PAPSS1: variants seen among roughly 807,000 people sequenced by gnomAD.
The protein encoded by PAPSS1 is bifunctional 3'-phosphoadenosine 5'-phosphosulfate synthase 1.
A neutral mutation model predicts 72.0 loss-of-function variants in PAPSS1; 50 were observed. The ratio of observed to expected loss-of-function variants is 0.69; its 90% CI spans 0.55 to 0.88. The LOEUF is 0.88. Among genes scored for constraint, PAPSS1 ranks in the 40% least tolerant of loss-of-function variants. PAPSS1 has a pLI of 0.00. For synonymous variants in PAPSS1, 261 were observed against 263.6 expected (o/e 0.99, Z 0.09); for missense variants, 657 against 782.2 (o/e 0.84, Z 1.91).
chr4:107,624,500 T>C (rs951195836), intron 11 of PAPSS1, among the ~76,000 whole-genome samples: 1 of 152,118 alleles, frequency 6.6e-6, no homozygotes, highest in African/African-American at 2.4e-5. Flanking sequence ...AAAGACTCCA[T>C]AAGAAATTAA....
rs544424834 is a variant in PAPSS1 at position 107,622,223 on chromosome 4, G to C, written c.1737-7836C>G. ...TAAAAAAAATGTCTTCAACGTAGTC[G>C]ATTCCAGCTCACTAGAATTCCACAC... On this transcript the variant is annotated intron_variant, in intron 11 of 11. Coordinates refer to ENST00000265174, the MANE Select transcript of PAPSS1 (RefSeq NM_005443.5). Among the ~76,000 whole-genome samples, 142 of 152,234 alleles carry C rather than the reference G, an allele frequency of 9.3e-4. 1 individual carries two copies. The highest frequency in any genetic ancestry group is 1.8e-3 in the Non-Finnish European group (125 of 68,022).
intron 11 of PAPSS1, among the ~76,000 whole-genome samples, chr4:107,630,984 G>A (rs1221035833): frequency 6.6e-6 from 1 of 151,620 alleles, no homozygotes; most frequent in Non-Finnish European, 1.5e-5. Context: ...CTTTCTGATG[G>A]CTCAATGTAC....
chr4:107,683,416 C>G (rs1320256721), intron 4 of PAPSS1, among the ~76,000 whole-genome samples: 1 of 152,028 alleles, frequency 6.6e-6, no homozygotes, highest in Non-Finnish European at 1.5e-5. Context: ...CTCTGATTCT[C>G]AAATGCGGTG....
At chr4:107,718,644 A>G (rs1470645747) in intron 1 of PAPSS1, among the ~76,000 whole-genome samples, 1 of 152,252 alleles carries the variant, frequency 6.6e-6, no homozygotes, top group Non-Finnish European at 1.5e-5. Context: ...AGTAAGTCCC[A>G]CATTTTTCAC....
intron 10 of PAPSS1, among the ~76,000 whole-genome samples, chr4:107,644,172 T>C (rs952251141): frequency 5.3e-5 from 8 of 152,164 alleles, no homozygotes; most frequent in African/African-American, 1.9e-4. Flanking sequence ...AGCTAGCATA[T>C]TGACACGGTT....
chr4:107,614,168 A>G lies in PAPSS1; in HGVS notation c.*81T>C. Reference sequence around the variant, plus strand: ...TAGGAAGCATGTCCAGACAGACACCACAAAGAAATGCCAACAGAGACTATG... The same window carrying G: ...TAGGAAGCATGTCCAGACAGACACCGCAAAGAAATGCCAACAGAGACTATG... On this transcript the variant is annotated 3_prime_UTR_variant, in exon 12 of 12. Transcript: ENST00000265174. 1 of 1,432,468 alleles carries G rather than the reference A, an allele frequency of 7.0e-7. No homozygotes were observed. The allele number at this position is 1,432,468 out of a possible 1,614,324, so 88.7% of individuals were successfully genotyped here.
chr4:107,670,573 C>T (rs146766324), intron 5 of PAPSS1, among the ~76,000 whole-genome samples: 413 of 152,294 alleles, frequency 2.7e-3, no homozygotes, highest in Middle Eastern at 0.014. Flanking sequence ...GGGTCTCACT[C>T]TGTCATCCAG....
At chr4:107,686,375 C>T (rs562859571) in intron 4 of PAPSS1, among the ~76,000 whole-genome samples, 2 of 152,268 alleles carry the variant, frequency 1.3e-5, no homozygotes, top group African/African-American at 4.8e-5. Context: ...ATACCTAGTA[C>T]AATGTAAATG....
At chr4:107,688,606 C>T (rs1381969468) in intron 3 of PAPSS1, among the ~76,000 whole-genome samples, 1 of 152,132 alleles carries the variant, frequency 6.6e-6, no homozygotes, top group East Asian at 1.9e-4. Context: ...CTGATCTTTC[C>T]TAGGCAGACT....
rs1211364292 is a variant in PAPSS1 at position 107,644,905 on chromosome 4, C to T, written c.1403G>A (p.Arg468His). 19 of 1,613,856 alleles carry T rather than the reference C, an allele frequency of 1.2e-5. No individual in the cohort carries two copies. Among genetic ancestry groups the T allele is most frequent in the Admixed American group, 1.7e-5 (1 of 59,992 alleles). The part of the protein sequence containing the change: ...TKDDDVPLMW[R>H]MKQHAAVLEE... ...CAACACTGCAGCATGCTGCTTCATA[C>T]GCCACATCAAAGGAACATCGTCATC... is the stretch of plus-strand genomic sequence containing the variant. Residue 468 changes from arginine to histidine, a missense_variant, in exon 10 of 12, where the codon CGT (arginine) becomes CAT (histidine). Arg to His is a conservative substitution (Grantham distance 29). This residue lies in a region of PAPSS1 where 166 missense variants were observed against 228.3 expected (regional missense o/e 0.73). Coordinates refer to ENST00000265174, the MANE Select transcript of PAPSS1 (RefSeq NM_005443.5).
intron 1 of PAPSS1, among the ~76,000 whole-genome samples, chr4:107,718,684 A>AAT (rs1488419087): frequency 3.9e-5 from 6 of 152,262 alleles, no homozygotes; most frequent in Admixed American, 3.9e-4. Context: ...CTCTACATAG[A>AAT]ATACGCACCA....
Position 107,640,638 on chromosome 4 carries a change from G to A in PAPSS1, c.1506+4164C>T, listed in dbSNP as rs1039782243. ...AGTCAAACACACAAGTTAGGTCCTCGAGAAAGATACTTTTCCTAAGCAGCT... is the reference window on the plus strand; with the variant it reads ...AGTCAAACACACAAGTTAGGTCCTCAAGAAAGATACTTTTCCTAAGCAGCT... On this transcript the variant is annotated intron_variant, in intron 10 of 11. Coordinates refer to ENST00000265174, the MANE Select transcript of PAPSS1 (RefSeq NM_005443.5). Among the ~76,000 whole-genome samples, 150 of 152,172 alleles carry A rather than the reference G, an allele frequency of 9.9e-4. 1 individual carries two copies. Among genetic ancestry groups the A allele is most frequent in the African/African-American group, 3.3e-3 (136 of 41,514 alleles).
At chr4:107,660,731 T>G (rs958804732) in intron 5 of PAPSS1, among the ~76,000 whole-genome samples, 1 of 152,230 alleles carries the variant, frequency 6.6e-6, no homozygotes, top group African/African-American at 2.4e-5. Context: ...TTACAAGGCT[T>G]GTTCACAACA....
intron 10 of PAPSS1, among the ~76,000 whole-genome samples, chr4:107,636,740 TC>T (rs1340336637): frequency 1.3e-5 from 2 of 152,150 alleles, no homozygotes; most frequent in East Asian, 3.9e-4. Flanking sequence ...ATACTTAGGT[TC>T]CATAATTATC....
chr4:107,647,039 G>A (rs982810299), intron 9 of PAPSS1, among the ~76,000 whole-genome samples: 8 of 152,030 alleles, frequency 5.3e-5, no homozygotes, highest in African/African-American at 9.7e-5. Context: ...AACTTTACAC[G>A]ACAGCCAGTG....
At chr4:107,664,397 T>C (rs75217595) in intron 5 of PAPSS1, among the ~76,000 whole-genome samples, 1 of 152,118 alleles carries the variant, frequency 6.6e-6, no homozygotes, top group South Asian at 2.1e-4. Context: ...CAACAAGGCA[T>C]GTTTAGCTGG....
chr4:107,686,423 A>G (rs1275257407), intron 4 of PAPSS1, among the ~76,000 whole-genome samples: 2 of 152,204 alleles, frequency 1.3e-5, no homozygotes, highest in African/African-American at 4.8e-5. Flanking sequence ...TGTTATTTAT[A>G]CTATTTTTAA....
At chr4:107,668,533 G>A (rs1727381993) in intron 5 of PAPSS1, among the ~76,000 whole-genome samples, 1 of 152,046 alleles carries the variant, frequency 6.6e-6, no homozygotes, top group African/African-American at 2.4e-5. Flanking sequence ...TCTTAATCTG[G>A]GTAGGCACCA....
chr4:107,686,229 G>A (rs1328861224), intron 4 of PAPSS1, among the ~76,000 whole-genome samples: 1 of 151,112 alleles, frequency 6.6e-6, no homozygotes, highest in African/African-American at 2.4e-5. Context: ...TGGTAATCAT[G>A]CGGATTTGTT....
Sources: gnomAD v4.1 joint callset for allele counts (sites outside exome capture counted in the v4.1 genomes callset) on GRCh38, gnomAD v4.1.1 for gene constraint, gnomAD v4.1.1 regional missense constraint, MANE v1.5 for transcripts, NCBI Gene and HGNC (gene_info 2026-07-23, HGNC 2026-07-21) for gene names.